The following PACRG variants were observed in gnomAD, a reference collection of about 807,000 sequenced individuals.
PACRG encodes the protein parkin coregulated.
A neutral mutation model predicts 29.7 loss-of-function variants in PACRG; 29 were observed. That is an observed-to-expected ratio of 0.98 (90% CI 0.73 to 1.33). PACRG has a LOEUF of 1.33. Among genes scored for constraint, PACRG ranks in the 40% most tolerant of loss-of-function variants. The pLI, the probability that PACRG is intolerant of heterozygous loss-of-function variation, is 0.00. For synonymous variants in PACRG, 116 were observed against 118.7 expected, an observed-to-expected ratio of 0.98 and a Z score of 0.15; for missense variants, 279 against 316.2, an observed-to-expected ratio of 0.88 and a Z score of 0.89.
chr6:162,852,768 T>C (rs996905002), intron 2 of PACRG, among the ~76,000 whole-genome samples: 1 of 152,234 alleles, frequency 6.6e-6, no homozygotes, highest in African/African-American at 2.4e-5. Flanking sequence ...AAAGGAATTT[T>C]AACAATGTGA....
chr6:162,903,035 T>G (rs1222685117), intron 2 of PACRG, among the ~76,000 whole-genome samples: 1 of 152,234 alleles, frequency 6.6e-6, no homozygotes, highest in Non-Finnish European at 1.5e-5. Flanking sequence ...GAACTATGTC[T>G]GGGTTTTAAA....
Position 162,927,392 on chromosome 6 carries a change from G to A in PACRG, c.291+113111G>A, listed in dbSNP as rs146762291. ...GTACTATTCACAATAGCAAAGACAT[G>A]GAATCAACCCAAATGCGCATCAATA... On this transcript the variant is annotated intron_variant, in intron 2 of 4. Coordinates refer to ENST00000366888, the MANE Select transcript of PACRG (RefSeq NM_001080379.2). Among the ~76,000 whole-genome samples the A allele has an allele frequency of 8.9e-3, 1,349 of 152,104 alleles. 22 individuals carry two copies. The highest frequency in any genetic ancestry group is 0.03 in the African/African-American group (1,241 of 41,486).
In PACRG at chr6:162,983,158, A is replaced by G. The variant is rs535457718; in HGVS notation, c.292-78992A>G. On this transcript the variant is annotated intron_variant, in intron 2 of 4. Transcript: ENST00000366888. ...CTTTTGGTTTACATTTGCATGGAAT[A>G]TCATTTTGCACTCCTTTCTCTAGGA... 1.0e-3 allele frequency among the ~76,000 whole-genome samples: 159 copies of G among 152,080 alleles called. 1 individual carries two copies. The highest frequency in any genetic ancestry group is 3.7e-3 in the African/African-American group (152 of 41,536).
At chr6:162,849,457 G>A (rs911676830) in intron 2 of PACRG, among the ~76,000 whole-genome samples, 2 of 152,222 alleles carry the variant, frequency 1.3e-5, no homozygotes, top group Admixed American at 1.3e-4. Flanking sequence ...GTGCAGTGCA[G>A]TGAGCAGGCT....
At chr6:162,831,343 T>C (rs1421263640) in intron 2 of PACRG, among the ~76,000 whole-genome samples, 1 of 152,196 alleles carries the variant, frequency 6.6e-6, no homozygotes, top group African/African-American at 2.4e-5. Flanking sequence ...TATTGAGCAT[T>C]TATGATAAGC....
chr6:163,129,435 C>G (rs927634175), intron 4 of PACRG, among the ~76,000 whole-genome samples: 4 of 152,220 alleles, frequency 2.6e-5, no homozygotes, highest in African/African-American at 9.6e-5. Context: ...AGGAATGAGA[C>G]TGCAGCCCTC....
At chr6:162,738,499 T>C (rs1368466372) in intron 1 of PACRG, among the ~76,000 whole-genome samples, 2 of 152,194 alleles carry the variant, frequency 1.3e-5, no homozygotes, top group African/African-American at 4.8e-5. Context: ...AATAGTGTCA[T>C]AGATTATACC....
At chr6:163,119,246 C>T (rs750685203) in intron 4 of PACRG, among the ~76,000 whole-genome samples, 29 of 152,252 alleles carry the variant, frequency 1.9e-4, no homozygotes, top group Admixed American at 2.6e-4. Flanking sequence ...CACAGCTCTT[C>T]GCAGCCATGA....
At chr6:163,190,008 A>C (rs1780132348) in intron 4 of PACRG, 1 of 152,236 alleles carries the variant, frequency 6.6e-6, no homozygotes, top group Non-Finnish European at 1.5e-5. Flanking sequence ...TACATAATCC[A>C]AAAATCAGAA....
At chr6:163,060,440 C>T (rs1344462932) in intron 2 of PACRG, among the ~76,000 whole-genome samples, 1 of 152,038 alleles carries the variant, frequency 6.6e-6, no homozygotes, top group Non-Finnish European at 1.5e-5. Flanking sequence ...TCCAAATGCA[C>T]ATAAATCTCT....
intron 2 of PACRG, among the ~76,000 whole-genome samples, chr6:162,964,826 A>C (rs759908641): frequency 6.6e-6 from 1 of 152,234 alleles, no homozygotes; most frequent in Non-Finnish European, 1.5e-5. Context: ...TTATGGGTTT[A>C]GAAAGATAAA....
At chr6:162,927,449 A>C (rs1797527723) in intron 2 of PACRG, among the ~76,000 whole-genome samples, 1 of 152,156 alleles carries the variant, frequency 6.6e-6, no homozygotes, top group Non-Finnish European at 1.5e-5. Flanking sequence ...TGGTACATAT[A>C]CACCATGGAA....
Position 162,839,602 on chromosome 6 carries a change from A to T in PACRG, c.291+25321A>T, listed in dbSNP as rs527693204. Among the ~76,000 whole-genome samples the T allele has an allele frequency of 4.8e-3, 734 of 152,126 alleles. 4 individuals are homozygous for T. Among genetic ancestry groups the T allele is most frequent in the African/African-American group, 0.017 (700 of 41,486 alleles). On this transcript the variant is annotated intron_variant, in intron 2 of 4. Transcript: ENST00000366888. ...TGCAGAAGCTCTTGAGTTGAATTAG[A>T]TCCCATTTGTCAATTTTGTCTTTTG...
chr6:163,232,519 G>A (rs1585354829), intron 4 of PACRG, among the ~76,000 whole-genome samples: 1 of 152,194 alleles, frequency 6.6e-6, no homozygotes, highest in South Asian at 2.1e-4. Flanking sequence ...TAAGGGAAGG[G>A]AAAGGTGGGA....
chr6:162,737,737 T>C (rs1237050515), intron 1 of PACRG, among the ~76,000 whole-genome samples: 2 of 152,144 alleles, frequency 1.3e-5, no homozygotes, highest in African/African-American at 4.8e-5. Context: ...TTTAATAAGA[T>C]GTAAAGTCGA....
intron 1 of PACRG, among the ~76,000 whole-genome samples, chr6:162,742,566 C>G (rs949462089): frequency 2.0e-5 from 3 of 152,068 alleles, no homozygotes; most frequent in Non-Finnish European, 4.4e-5. Context: ...TAAATATTCT[C>G]CAGGTTCATC....
At chr6:163,036,681 A>G (rs1005255192) in intron 2 of PACRG, among the ~76,000 whole-genome samples, 2 of 152,260 alleles carry the variant, frequency 1.3e-5, no homozygotes, top group Non-Finnish European at 2.9e-5. Context: ...TTGTTATCCC[A>G]GATGACTAAA....
At chr6:163,145,445 C>T (rs1372921368) in intron 4 of PACRG, among the ~76,000 whole-genome samples, 1 of 152,166 alleles carries the variant, frequency 6.6e-6, no homozygotes, top group Non-Finnish European at 1.5e-5. Flanking sequence ...TGCCTAGGTC[C>T]AGAGGTGGCA....
At chr6:163,213,820 T>C (rs1781250930) in intron 4 of PACRG, among the ~76,000 whole-genome samples, 1 of 152,230 alleles carries the variant, frequency 6.6e-6, no homozygotes, top group Non-Finnish European at 1.5e-5. Flanking sequence ...TTTTGCTTAA[T>C]TCTGTTTTTA....
Sources: gnomAD v4.1 joint callset for allele counts (sites outside exome capture counted in the v4.1 genomes callset) on GRCh38, gnomAD v4.1.1 for gene constraint, MANE v1.5 for transcripts, NCBI Gene and HGNC (gene_info 2026-07-23, HGNC 2026-07-21) for gene names.